AGBL4: variants seen among roughly 807,000 people sequenced by gnomAD.
AGBL4 encodes the protein cytosolic carboxypeptidase 6.
In AGBL4, 58 loss-of-function variants were observed where a neutral mutation model predicts 66.4. The observed-to-expected ratio is 0.87, with a 90% CI of 0.71 to 1.09. The LOEUF is 1.09. Ranked by LOEUF, AGBL4 falls within the 50% of genes least tolerant of loss-of-function variation. AGBL4 has a pLI of 0.00. For missense variants in AGBL4, 579 were observed against 631.0 expected, an observed-to-expected ratio of 0.92 and a Z score of 0.88; for synonymous variants, 234 against 222.9, an observed-to-expected ratio of 1.05 and a Z score of -0.44.
intron 3 of AGBL4, among the ~76,000 whole-genome samples, chr1:49,620,066 G>C (rs1179842896): frequency 6.6e-6 from 1 of 152,102 alleles, no homozygotes; most frequent in African/African-American, 2.4e-5. Context: ...CATGGGCAAA[G>C]ACTTCATTAC....
intron 11 of AGBL4, among the ~76,000 whole-genome samples, chr1:48,576,796 T>C (rs754706200): frequency 4.6e-5 from 7 of 152,212 alleles, no homozygotes; most frequent in Admixed American, 2.0e-4. Flanking sequence ...TTTCTGTGAA[T>C]GCAGCCAAAA....
intron 1 of AGBL4, among the ~76,000 whole-genome samples, chr1:49,969,889 T>G (rs1234772445): frequency 1.3e-5 from 2 of 152,076 alleles, no homozygotes; most frequent in Non-Finnish European, 2.9e-5. Flanking sequence ...GTTACTGGCA[T>G]AAAAACACAG....
intron 3 of AGBL4, among the ~76,000 whole-genome samples, chr1:49,441,073 C>A (rs1646018212): frequency 1.3e-5 from 2 of 152,028 alleles, no homozygotes; most frequent in Admixed American, 6.6e-5. Context: ...TGTTCATTCT[C>A]TTCAGGAGCC....
At chr1:49,237,512 TTATA>T (rs71056690) in intron 4 of AGBL4, among the ~76,000 whole-genome samples, 14 of 2,226 alleles carry the variant, frequency 6.3e-3, no homozygotes, top group Non-Finnish European at 0.013. Context: ...CAATATTACA[TTATA>T]TATATATATA....
At chr1:49,543,346 AG>A (rs1652215661) in intron 3 of AGBL4, among the ~76,000 whole-genome samples, 1 of 152,112 alleles carries the variant, frequency 6.6e-6, no homozygotes, top group Admixed American at 6.5e-5. Flanking sequence ...ACTCCTTATT[AG>A]TCCCTTCTCT....
chr1:49,373,678 A>G (rs149395535), intron 3 of AGBL4, among the ~76,000 whole-genome samples: 1 of 152,254 alleles, frequency 6.6e-6, no homozygotes, highest in East Asian at 1.9e-4. Context: ...GAAAAGTTAT[A>G]TAATTATTCA....
At chr1:49,239,162 T>TA (rs540692122) in intron 4 of AGBL4, among the ~76,000 whole-genome samples, 16 of 151,482 alleles carry the variant, frequency 1.1e-4, no homozygotes, top group African/African-American at 1.5e-4. Flanking sequence ...AAAATTGAAA[T>TA]AAAAAAAAAC....
chr1:49,655,075 C>T (rs1297028116), intron 3 of AGBL4, among the ~76,000 whole-genome samples: 3 of 152,104 alleles, frequency 2.0e-5, no homozygotes, highest in Non-Finnish European at 4.4e-5. Flanking sequence ...TATGCTGGTA[C>T]CAGTTCCTTT....
intron 5 of AGBL4, among the ~76,000 whole-genome samples, chr1:48,979,117 T>A (rs1380924538): frequency 6.6e-6 from 1 of 152,152 alleles, no homozygotes; most frequent in African/African-American, 2.4e-5. Context: ...CTGATTCCTT[T>A]CAAACTCAAA....
chr1:49,834,900 C>A (rs1254537361), intron 2 of AGBL4, among the ~76,000 whole-genome samples: 1 of 152,134 alleles, frequency 6.6e-6, no homozygotes, highest in Non-Finnish European at 1.5e-5. Flanking sequence ...GTTTCTTAAT[C>A]CTGAGTTCTA....
At chr1:48,647,018 T>TC (rs1645848027) in intron 8 of AGBL4, among the ~76,000 whole-genome samples, 1 of 152,118 alleles carries the variant, frequency 6.6e-6, no homozygotes, top group Admixed American at 6.5e-5. Context: ...TCCTTCTGCT[T>TC]CCCCAAGGCC....
chr1:49,493,330 T>C (rs1647256036), intron 3 of AGBL4, among the ~76,000 whole-genome samples: 2 of 152,024 alleles, frequency 1.3e-5, no homozygotes. Flanking sequence ...AGATAATTTT[T>C]ATTGAGCACT....
chr1:49,213,393 G>C (rs1481806307), intron 4 of AGBL4, among the ~76,000 whole-genome samples: 2 of 152,092 alleles, frequency 1.3e-5, no homozygotes, highest in Non-Finnish European at 2.9e-5. Flanking sequence ...GGCCTGGTGG[G>C]AGATGTTTGG....
At chr1:49,736,334 T>A (rs1649887992) in intron 2 of AGBL4, among the ~76,000 whole-genome samples, 1 of 151,998 alleles carries the variant, frequency 6.6e-6, no homozygotes, top group African/African-American at 2.4e-5. Context: ...TAACCTCTAA[T>A]TTCTTTTCTT....
At chr1:49,526,251 T>G (rs1431570984) in intron 3 of AGBL4, among the ~76,000 whole-genome samples, 1 of 151,986 alleles carries the variant, frequency 6.6e-6, no homozygotes, top group Non-Finnish European at 1.5e-5. Flanking sequence ...TACTGAAAAC[T>G]CTGTCATACC....
At chr1:48,563,369 A>C (rs1030437324) in intron 11 of AGBL4, among the ~76,000 whole-genome samples, 1 of 152,214 alleles carries the variant, frequency 6.6e-6, no homozygotes, top group Non-Finnish European at 1.5e-5. Context: ...GCAGCCATCA[A>C]TTAACCACTG....
intron 5 of AGBL4, among the ~76,000 whole-genome samples, chr1:48,975,019 T>C (rs1659202855): frequency 6.6e-6 from 1 of 152,096 alleles, no homozygotes; most frequent in South Asian, 2.1e-4. Context: ...ACAGCTACAA[T>C]ATTATAAGGA....
At chr1:49,224,616 C>CAAAAAAAA (rs377573639) in intron 4 of AGBL4, among the ~76,000 whole-genome samples, 2 of 74,728 alleles carry the variant, frequency 2.7e-5, no homozygotes, top group Non-Finnish European at 2.5e-5. Context: ...GACTCCCTCT[C>CAAAAAAAA]AAAAAAAAAA....
intron 6 of AGBL4, among the ~76,000 whole-genome samples, chr1:48,689,098 G>A (rs1256757724): frequency 6.6e-6 from 1 of 150,416 alleles, no homozygotes; most frequent in Admixed American, 6.7e-5. Context: ...ACGTGTGCCT[G>A]CAATCCCAGC....
Sources: gnomAD v4.1 joint callset for allele counts (sites outside exome capture counted in the v4.1 genomes callset) on GRCh38, gnomAD v4.1.1 for gene constraint, MANE v1.5 for transcripts, NCBI Gene and HGNC (gene_info 2026-07-23, HGNC 2026-07-21) for gene names.